ASCC1: variants seen among roughly 807,000 people sequenced by gnomAD.
ASCC1 encodes the protein ASC-1 complex subunit P50.
In ASCC1, 35 loss-of-function variants were observed where a neutral mutation model predicts 46.6. The ratio of observed to expected loss-of-function variants is 0.75; its 90% CI spans 0.57 to 0.99. The LOEUF is 0.99. Ranked by LOEUF, ASCC1 falls within the 50% of genes least tolerant of loss-of-function variation. The pLI is 0.00. For synonymous variants in ASCC1, 143 were observed against 146.6 expected (o/e 0.98, Z 0.18); for missense variants, 376 against 428.7 (o/e 0.88, Z 1.09).
At chr10:72,148,260 T>C (rs1453324534) in intron 7 of ASCC1, among the ~76,000 whole-genome samples, 2 of 152,160 alleles carry the variant, frequency 1.3e-5, no homozygotes, top group African/African-American at 4.8e-5. Context: ...TCAAGCTGTG[T>C]TCCTTTTGGA....
At chr10:72,134,004 G>C (rs1199929297) in intron 7 of ASCC1, 2 of 152,314 alleles carry the variant, frequency 1.3e-5, no homozygotes, top group Admixed American at 6.5e-5. Flanking sequence ...GAAGGGGCCG[G>C]GTGCAGTGGC....
chr10:72,214,367 CTTTTT>C (rs970289326), intron 1 of ASCC1, among the ~76,000 whole-genome samples: 2 of 88,462 alleles, frequency 2.3e-5, no homozygotes, highest in African/African-American at 4.5e-5. Context: ...CACAATATCT[CTTTTT>C]TTTTTTTTTT....
At chr10:72,209,160 G>A (rs1296985380) in intron 3 of ASCC1, among the ~76,000 whole-genome samples, 2 of 147,740 alleles carry the variant, frequency 1.4e-5, no homozygotes, top group Non-Finnish European at 3.0e-5. Flanking sequence ...GCAAAGCCCT[G>A]TCTTTAAAAA....
chr10:72,098,954 G>T (rs1414277149), intron 9 of ASCC1, among the ~76,000 whole-genome samples: 1 of 152,194 alleles, frequency 6.6e-6, no homozygotes, highest in Non-Finnish European at 1.5e-5. Context: ...ACACTAATTT[G>T]AAGTGAAAGA....
chr10:72,146,194 C>T (rs1847606659), intron 7 of ASCC1, among the ~76,000 whole-genome samples: 1 of 152,198 alleles, frequency 6.6e-6, no homozygotes, highest in Non-Finnish European at 1.5e-5. Flanking sequence ...TCAATCACAG[C>T]CTCACCCTAG....
chr10:72,166,770 G>A (rs1216504028), intron 5 of ASCC1, among the ~76,000 whole-genome samples: 1 of 151,994 alleles, frequency 6.6e-6, no homozygotes, highest in African/African-American at 2.4e-5. Context: ...TTTAAAATAA[G>A]CTAAAGATTT....
chr10:72,190,429 C>A, intron 5 of ASCC1: 1 of 1,597,910 alleles, frequency 6.3e-7, no homozygotes, highest in Non-Finnish European at 8.5e-7. Context: ...AACCAGTCCA[C>A]AACCACAGGG....
rs779932786 is a variant in ASCC1, at chr10:72,196,950, C to T, written c.350G>A (p.Arg117Gln). 1.1e-5 allele frequency: 17 copies of T among 1,613,440 alleles called. No individual in the cohort carries two copies. The Admixed American group carries it at 1.3e-4, about 13-fold the overall frequency. ...GTCCAAAAGAACATCAATCCGTGTT[C>T]GGGCTGAAATTACACCATTTCGATG... ...GQHRNGVISA[R>Q]TRIDVLLDTF... Residue 117 changes from arginine (R) to glutamine (Q), a missense_variant, in exon 5 of 10, where the codon CGA becomes CAA. By Grantham distance (43) the Arg-to-Gln change is conservative. Transcript: ENST00000672957.
chr10:72,215,674 G>A (rs951203283), intron 1 of ASCC1: 2 of 152,206 alleles, frequency 1.3e-5, no homozygotes, highest in Non-Finnish European at 2.9e-5. Flanking sequence ...ACGAGCTCCG[G>A]AAGAACAGGC....
intron 5 of ASCC1, among the ~76,000 whole-genome samples, chr10:72,178,926 AT>A (rs555145955): frequency 1.2e-4 from 18 of 150,560 alleles, no homozygotes; most frequent in Admixed American, 2.6e-4. Context: ...AATAATATCA[AT>A]TTTTTTTTTC....
chr10:72,164,872 G>A (rs982596258), intron 5 of ASCC1, among the ~76,000 whole-genome samples: 4 of 152,168 alleles, frequency 2.6e-5, no homozygotes, highest in African/African-American at 7.2e-5. Context: ...TTTCACTAAC[G>A]ATCAATGATG....
intron 5 of ASCC1, among the ~76,000 whole-genome samples, chr10:72,171,975 G>A (rs865981895): frequency 6.6e-6 from 1 of 152,164 alleles, no homozygotes; most frequent in East Asian, 1.9e-4. Context: ...CCCTTCAGGG[G>A]AAGAAGACAA....
Position 72,128,004 on chromosome 10 carries a change from T to C in ASCC1, c.957+78A>G. On this transcript the variant is annotated intron_variant, in intron 9 of 9. Transcript: ENST00000672957. The stretch of plus-strand genomic sequence containing the variant: ...AAGTATGAAGAAGTATGAAGAAATA[T>C]ACGGAGAACTACTTGTTTTCCTGCC... The C allele has an allele frequency of 4.6e-6, 5 of 1,085,962 alleles. No homozygotes were observed. In the South Asian group the frequency reaches 5.0e-5, roughly 11 times the overall value. 67.3% of individuals were successfully genotyped at this position (1,085,962 alleles called of 1,614,324 possible).
intron 9 of ASCC1, chr10:72,103,024 GACA>G (rs1313180258): frequency 1.2e-5 from 5 of 432,310 alleles, no homozygotes; most frequent in African/African-American, 6.2e-5. Context: ...TGTAGGTATT[GACA>G]ACAACAGTAA....
At chr10:72,193,724 C>A (rs755735547) in intron 5 of ASCC1, among the ~76,000 whole-genome samples, 1 of 151,958 alleles carries the variant, frequency 6.6e-6, no homozygotes, top group Non-Finnish European at 1.5e-5. Context: ...AAATTTAATT[C>A]TTCAGAGGAT....
At chr10:72,191,301 G>A (rs1409275106) in intron 5 of ASCC1, among the ~76,000 whole-genome samples, 3 of 150,234 alleles carry the variant, frequency 2.0e-5, no homozygotes, top group East Asian at 2.0e-4. Flanking sequence ...CCCTGACCTC[G>A]TGATCCACCC....
intron 2 of ASCC1, 135 bp downstream of exon 2, chr10:72,213,052 T>C: frequency 1.5e-6 from 1 of 680,464 alleles, no homozygotes; most frequent in Admixed American, 2.1e-5. Context: ...GACATGAACA[T>C]AAATGGAGCT....
intron 3 of ASCC1, among the ~76,000 whole-genome samples, chr10:72,205,352 G>A (rs1020669843): frequency 6.6e-6 from 1 of 152,066 alleles, no homozygotes; most frequent in Non-Finnish European, 1.5e-5. Context: ...GCTCAATGCC[G>A]GGTGCGGTGG....
At chr10:72,151,978 C>T (rs1848396466) in intron 7 of ASCC1, among the ~76,000 whole-genome samples, 1 of 142,134 alleles carries the variant, frequency 7.0e-6, no homozygotes, top group African/African-American at 2.6e-5. Flanking sequence ...CGTGAGCCAC[C>T]GCAACCGGCC....
Sources: gnomAD v4.1 joint callset for allele counts (sites outside exome capture counted in the v4.1 genomes callset) on GRCh38, gnomAD v4.1.1 for gene constraint, MANE v1.5 for transcripts, NCBI Gene and HGNC (gene_info 2026-07-23, HGNC 2026-07-21) for gene names.